Variants in CREBL2 observed in about 807,000 individuals in gnomAD.
CREBL2 encodes the protein cAMP responsive element binding protein like 2, also known as cAMP-responsive element-binding protein-like 2.
A neutral mutation model predicts 19.5 loss-of-function variants in CREBL2; 4 were observed. That is an observed-to-expected ratio of 0.20 (90% CI 0.10 to 0.47). The LOEUF is 0.47. CREBL2 is among the 20% of genes least tolerant of loss of function. CREBL2 has a pLI of 0.98. For missense variants in CREBL2, 85 were observed against 145.1 expected, an observed-to-expected ratio of 0.59 and a Z score of 2.13; for synonymous variants, 42 against 46.6, an observed-to-expected ratio of 0.90 and a Z score of 0.40.
chr12:12,614,840 A>G, intron 1 of CREBL2: 2 of 325,434 alleles, frequency 6.1e-6, no homozygotes, highest in South Asian at 2.6e-5. Flanking sequence ...TGCCATAGTA[A>G]GATTTGTAGG....
chr12:12,643,600 A>C lies in CREBL2; in HGVS notation c.*1602A>C, dbSNP rs1945543091. The C allele has an allele frequency of 6.6e-6, 1 of 152,202 alleles. No individual in the cohort carries two copies. The highest frequency in any genetic ancestry group is 1.5e-5 in the Non-Finnish European group (1 of 68,044). 9.4% of individuals were successfully genotyped at this position (152,202 alleles called of 1,614,324 possible). A position where few individuals can be genotyped will look rare whatever the true frequency, so the allele number is the denominator to read the frequency against. ...CTTCTCTCAGGCCATGCATTTGAAT[A>C]AAGTGCCTCCCTTAGCCTGAGCTCC... is the stretch of plus-strand genomic sequence containing the variant. On this transcript the variant is annotated 3_prime_UTR_variant, in exon 4 of 4. Transcript: ENST00000228865.
At chr12:12,612,244 C>G in intron 1 of CREBL2, 57 bp downstream of exon 1, 1 of 1,612,576 alleles carries the variant, frequency 6.2e-7, no homozygotes, top group South Asian at 1.1e-5. Context: ...GCTAGTCCCG[C>G]GGCTGAACCT....
At chr12:12,621,064 G>C (rs1412846319) in intron 1 of CREBL2, among the ~76,000 whole-genome samples, 1 of 152,204 alleles carries the variant, frequency 6.6e-6, no homozygotes, top group Admixed American at 6.5e-5. Context: ...AGTAAAGTAA[G>C]TATTTTGGTA....
chr12:12,635,872 A>G lies in CREBL2; in HGVS notation c.111A>G (p.Ala37=). ...AACTTGAGAGGAGCCGGCAGAGTGC[A>G]AGAGAATGCCGAGCCCGAAAAAAGC... The part of the protein sequence containing the change: ...KAKLERSRQS[A]RECRARKKLR... The change falls in exon 2 of 4, where the codon GCA becomes GCG. Residue 37 remains alanine, a synonymous_variant. Coordinates refer to ENST00000228865, the MANE Select transcript of CREBL2 (RefSeq NM_001310.4). 1 of 1,614,178 alleles carries G rather than the reference A, an allele frequency of 6.2e-7. No homozygotes were observed. Among genetic ancestry groups the G allele is most frequent in the Non-Finnish European group, 8.5e-7 (1 of 1,180,026 alleles).
rs138855484 is a variant in CREBL2 at position 12,620,001 on chromosome 12, A to G, written c.15+7814A>G. Among the ~76,000 whole-genome samples, 317 of 152,226 alleles carry G rather than the reference A, an allele frequency of 2.1e-3. 1 individual carries two copies. Among genetic ancestry groups the G allele is most frequent in the Admixed American group, 5.6e-3 (85 of 15,298 alleles). On this transcript the variant is annotated intron_variant, in intron 1 of 3. Coordinates refer to ENST00000228865, the MANE Select transcript of CREBL2 (RefSeq NM_001310.4). ...AGTTCTGGTTCTCAAAAAAATTTTA[A>G]TTTGGCAAAAAAATCTCTTTGACAT... is the stretch of plus-strand genomic sequence containing the variant.
At chr12:12,640,374 C>T (rs1480306481) in intron 3 of CREBL2, among the ~76,000 whole-genome samples, 1 of 152,194 alleles carries the variant, frequency 6.6e-6, no homozygotes, top group Non-Finnish European at 1.5e-5. Flanking sequence ...CGTTTATAGG[C>T]TCTCTGCAAG....
At chr12:12,638,886 T>G (rs1945496651) in intron 3 of CREBL2, among the ~76,000 whole-genome samples, 1 of 152,232 alleles carries the variant, frequency 6.6e-6, no homozygotes. Flanking sequence ...CACAATGTTG[T>G]GCAACCATTA....
At position 12,635,941 on chromosome 12, in the gene CREBL2, AGCTATATGT is replaced by A. The variant is rs1251163762; in HGVS notation, c.183_191del (p.Ile62_Ala64del). ...AAGAGTTGGTATCCAGTCGAGAAAG[AGCTATATGT>A]GCCCTCAGAGAGGAACTGGAAATGG... is the stretch of plus-strand genomic sequence containing the variant. On this transcript the variant is annotated inframe_deletion, in exon 2 of 4. Transcript: ENST00000228865. The A allele has an allele frequency of 3.7e-6, 6 of 1,614,036 alleles. No homozygotes were observed.
In CREBL2 at chr12:12,642,602, A is replaced by G. The variant is rs538703514; in HGVS notation, c.*604A>G. ...ATATACATTTCTATTTTTATAATCC[A>G]TAAGGATATGCCTGTTTTAAATAAC... On this transcript the variant is annotated 3_prime_UTR_variant, in exon 4 of 4. Coordinates refer to ENST00000228865, the MANE Select transcript of CREBL2 (RefSeq NM_001310.4). The G allele has an allele frequency of 5.2e-5, 8 of 152,610 alleles. No homozygotes were observed. The highest frequency in any genetic ancestry group is 1.7e-4 in the African/African-American group (7 of 41,588). 9.5% of individuals were successfully genotyped at this position (152,610 alleles called of 1,614,324 possible).
chr12:12,636,793 G>A (rs1945478641), intron 2 of CREBL2, among the ~76,000 whole-genome samples: 1 of 152,236 alleles, frequency 6.6e-6, no homozygotes, highest in Admixed American at 6.5e-5. Flanking sequence ...GTAAAAATGT[G>A]AAAGAGAGTA....
At chr12:12,616,559 T>C (rs1410044958) in intron 1 of CREBL2, among the ~76,000 whole-genome samples, 1 of 152,224 alleles carries the variant, frequency 6.6e-6, no homozygotes, top group Non-Finnish European at 1.5e-5. Context: ...TGAATGCATG[T>C]TGTAGTTGTA....
At chr12:12,614,678 AT>A in intron 1 of CREBL2, 2 of 282,036 alleles carry the variant, frequency 7.1e-6, no homozygotes, top group Non-Finnish European at 6.9e-6. Context: ...TTTTCTGATC[AT>A]TTTCCTTCAC....
chr12:12,623,099 C>CTTTTTTTTTTTTTTTT (rs5796501), intron 1 of CREBL2, among the ~76,000 whole-genome samples: 1 of 117,700 alleles, frequency 8.5e-6, no homozygotes, highest in South Asian at 2.7e-4. Context: ...GTAACAACTT[C>CTTTTTTTTTTTTTTTT]TTTTTTTTTT....
intron 1 of CREBL2, among the ~76,000 whole-genome samples, chr12:12,629,439 C>T (rs1359770482): frequency 1.3e-5 from 2 of 152,078 alleles, no homozygotes; most frequent in East Asian, 3.9e-4. Context: ...TGTGTAGAAA[C>T]ACAACTGATT....
intron 1 of CREBL2, among the ~76,000 whole-genome samples, chr12:12,624,948 G>A (rs1370213283): frequency 6.6e-6 from 1 of 152,188 alleles, no homozygotes; most frequent in Non-Finnish European, 1.5e-5. Context: ...GGATGGGACT[G>A]GTAGGTAATC....
rs920615528 is a variant in CREBL2, at chr12:12,611,953, A to C, written c.-220A>C. On this transcript the variant is annotated 5_prime_UTR_variant, in exon 1 of 4. Transcript: ENST00000228865. Reference sequence around the variant, plus strand: ...GGGGAGGAGGAGGCGGCGGCGGCGAAGGGAGGCGTTTGGGGCCGCCTCCAG... The same window carrying C: ...GGGGAGGAGGAGGCGGCGGCGGCGACGGGAGGCGTTTGGGGCCGCCTCCAG... The C allele has an allele frequency of 1.2e-4, 71 of 585,352 alleles. No individual in the cohort carries two copies. The allele number at this position is 585,352 out of a possible 1,614,324, so 36.3% of individuals were successfully genotyped here. A position where few individuals can be genotyped will look rare whatever the true frequency, so the allele number is the denominator to read the frequency against.
At chr12:12,641,514 G>C (rs1945521951) in intron 3 of CREBL2, among the ~76,000 whole-genome samples, 1 of 151,622 alleles carries the variant, frequency 6.6e-6, no homozygotes, top group Admixed American at 6.6e-5. Context: ...TCACCATGTT[G>C]GCCAGGCTGG....
chr12:12,619,097 G>A (rs1371106423), intron 1 of CREBL2, among the ~76,000 whole-genome samples: 1 of 152,070 alleles, frequency 6.6e-6, no homozygotes, highest in Non-Finnish European at 1.5e-5. Flanking sequence ...GGGAGAGGGA[G>A]AGGGATCATT....
At chr12:12,614,024 C>G (rs1192465219) in intron 1 of CREBL2, among the ~76,000 whole-genome samples, 1 of 133,172 alleles carries the variant, frequency 7.5e-6, no homozygotes, top group African/African-American at 2.9e-5. Context: ...ACGGAGTCTC[C>G]GCTGTATCGC....
Sources: allele counts gnomAD v4.1 joint callset (sites outside exome capture counted in the v4.1 genomes callset), GRCh38; gene constraint gnomAD v4.1.1; transcripts MANE v1.5; gene names NCBI Gene and HGNC (gene_info 2026-07-23, HGNC 2026-07-21).